The following DPYD variants were observed in gnomAD, a reference collection of about 807,000 sequenced individuals.
DPYD encodes dihydropyrimidine dehydrogenase [NADP(+)].
Under a neutral mutation model 116.2 loss-of-function variants are expected in DPYD, and 109 were observed. The ratio of observed to expected loss-of-function variants is 0.94; its 90% CI spans 0.80 to 1.10. DPYD has a LOEUF of 1.10. Ranked by LOEUF, DPYD falls within the 50% of genes least tolerant of loss-of-function variation. The pLI is 0.00. For missense variants in DPYD, 1,302 were observed against 1,254.5 expected (o/e 1.04, Z -0.57); for synonymous variants, 440 against 432.0 (o/e 1.02, Z -0.23).
intron 19 of DPYD, among the ~76,000 whole-genome samples, chr1:97,206,964 G>A (rs1452871114): frequency 6.6e-6 from 1 of 151,484 alleles, no homozygotes; most frequent in Non-Finnish European, 1.5e-5. Context: ...ATCTACTTCA[G>A]TGCCTAAATA....
intron 5 of DPYD, among the ~76,000 whole-genome samples, chr1:97,711,368 C>T (rs1157682217): frequency 6.6e-6 from 1 of 151,838 alleles, no homozygotes; most frequent in African/African-American, 2.4e-5. Context: ...TACCACAAAG[C>T]CTGTTATAAG....
At chr1:97,400,655 A>G (rs1673316986) in intron 14 of DPYD, among the ~76,000 whole-genome samples, 1 of 152,086 alleles carries the variant, frequency 6.6e-6, no homozygotes, top group South Asian at 2.1e-4. Context: ...CAGAGATTCA[A>G]CTTCTTCCTG....
chr1:97,868,856 C>T (rs1671522595), intron 2 of DPYD, among the ~76,000 whole-genome samples: 1 of 151,804 alleles, frequency 6.6e-6, no homozygotes, highest in African/African-American at 2.4e-5. Flanking sequence ...TACCACTGTG[C>T]TCCTTAGGAT....
At chr1:97,749,604 A>G (rs557412555) in intron 3 of DPYD, among the ~76,000 whole-genome samples, 2 of 152,342 alleles carry the variant, frequency 1.3e-5, no homozygotes, top group African/African-American at 4.8e-5. Context: ...ATGCAACCAC[A>G]TATATCCATA....
intron 3 of DPYD, among the ~76,000 whole-genome samples, chr1:97,764,388 C>CA (rs1397292248): frequency 6.6e-6 from 1 of 151,864 alleles, no homozygotes; most frequent in Non-Finnish European, 1.5e-5. Context: ...TGTATAATTC[C>CA]AAAACACTTA....
At chr1:97,117,109 A>G (rs1652035127) in intron 20 of DPYD, among the ~76,000 whole-genome samples, 1 of 152,064 alleles carries the variant, frequency 6.6e-6, no homozygotes, top group Non-Finnish European at 1.5e-5. Flanking sequence ...GGTTGCAGTG[A>G]GCAGAGATCA....
intron 10 of DPYD, among the ~76,000 whole-genome samples, chr1:97,584,785 A>T (rs1249065397): frequency 7.3e-5 from 8 of 110,032 alleles, no homozygotes; most frequent in South Asian, 3.3e-4. Context: ...AACATCACAC[A>T]CCGGGGACTG....
chr1:97,098,741 G>T, intron 20 of DPYD, 109 bp from the exon 21 acceptor site: 1 of 1,300,862 alleles, frequency 7.7e-7, no homozygotes, highest in Non-Finnish European at 1.1e-6. Flanking sequence ...TCTAGGGATT[G>T]TTTCATGTAT....
rs986852794 is a variant in DPYD, at chr1:97,444,363, T to G, written c.1905+5696A>C. On this transcript the variant is annotated intron_variant, in intron 14 of 22. Transcript: ENST00000370192. The stretch of plus-strand genomic sequence containing the variant: ...TACCCAAGACAGTCAATGCAATATC[T>G]CTAAATGTCAGTTTCATCATATGTT... Among the ~76,000 whole-genome samples, 9 of 152,264 alleles carry G rather than the reference T, an allele frequency of 5.9e-5. No homozygotes were observed. The East Asian group carries it at 1.7e-3, about 29-fold the overall frequency.
intron 3 of DPYD, among the ~76,000 whole-genome samples, chr1:97,818,011 A>T (rs968175645): frequency 6.6e-6 from 1 of 152,062 alleles, no homozygotes; most frequent in Admixed American, 6.6e-5. Context: ...CAAAAGCTGC[A>T]TCCCTTCTTT....
At chr1:97,086,689 C>T (rs551358375) in intron 21 of DPYD, among the ~76,000 whole-genome samples, 3 of 151,810 alleles carry the variant, frequency 2.0e-5, no homozygotes, top group Admixed American at 6.6e-5. Flanking sequence ...GTCACACTGT[C>T]GTAAAGTAGA....
chr1:97,602,460 T>C (rs1289334455), intron 8 of DPYD, among the ~76,000 whole-genome samples: 3 of 151,966 alleles, frequency 2.0e-5, no homozygotes, highest in East Asian at 1.9e-4. Context: ...AGTACACATA[T>C]GAAATGAATT....
intron 19 of DPYD, among the ~76,000 whole-genome samples, chr1:97,225,599 T>TTA (rs1557952611): frequency 6.7e-6 from 1 of 150,302 alleles, no homozygotes; most frequent in East Asian, 1.9e-4. Flanking sequence ...TGAGAGCTCC[T>TTA]TATATATTTT....
rs190312690 is a variant in DPYD at position 97,331,471 on chromosome 1, C to T, written c.2059-25174G>A. Among the ~76,000 whole-genome samples, 70 of 152,184 alleles carry T rather than the reference C, an allele frequency of 4.6e-4. 1 individual carries two copies. The highest frequency in any genetic ancestry group is 1.5e-3 in the African/African-American group (64 of 41,520). On this transcript the variant is annotated intron_variant, in intron 16 of 22. Transcript: ENST00000370192. The stretch of plus-strand genomic sequence containing the variant: ...CTACATCCTGGATGACAGAGCAAGA[C>T]CCTGTCTCAAACAAACAACCCCCCT...
intron 4 of DPYD, among the ~76,000 whole-genome samples, chr1:97,731,713 A>C (rs2101049619): frequency 6.6e-6 from 1 of 152,160 alleles, no homozygotes; most frequent in East Asian, 1.9e-4. Context: ...TAGTTCAATT[A>C]CATTTTCTTT....
chr1:97,079,151 A>C lies in DPYD; in HGVS notation c.2908-5T>G. The C allele has an allele frequency of 3.1e-6, 5 of 1,613,234 alleles. No homozygotes were observed. The highest frequency in any genetic ancestry group is 2.2e-5 in the East Asian group (1 of 44,860). ...TTCTGGATCAAACTGTATAGCCTGC[A>C]AACAGAAATAGAGGGTATTGATGTC... On this transcript the variant is annotated splice_region_variant and splice_polypyrimidine_tract_variant and intron_variant, in intron 22 of 22. Transcript: ENST00000370192.
intron 8 of DPYD, among the ~76,000 whole-genome samples, chr1:97,639,661 C>A (rs1657770047): frequency 6.6e-6 from 1 of 152,054 alleles, no homozygotes; most frequent in Non-Finnish European, 1.5e-5. Flanking sequence ...TATAAATAGT[C>A]TATGAAGCTG....
At chr1:97,240,371 G>A (rs1662249782) in intron 18 of DPYD, among the ~76,000 whole-genome samples, 1 of 151,936 alleles carries the variant, frequency 6.6e-6, no homozygotes, top group Non-Finnish European at 1.5e-5. Flanking sequence ...AATTTTTAAT[G>A]AGCAAGAGAG....
intron 1 of DPYD, among the ~76,000 whole-genome samples, chr1:97,903,310 T>C (rs570732133): frequency 6.6e-6 from 1 of 152,060 alleles, no homozygotes; most frequent in East Asian, 1.9e-4. Flanking sequence ...ATATAATACA[T>C]ATTTATTTTT....
Sources: gnomAD v4.1 joint callset for allele counts (sites outside exome capture counted in the v4.1 genomes callset) on GRCh38, gnomAD v4.1.1 for gene constraint, MANE v1.5 for transcripts, NCBI Gene and HGNC (gene_info 2026-07-23, HGNC 2026-07-21) for gene names.